SOX5: variants seen among roughly 807,000 people sequenced by gnomAD.
The protein encoded by SOX5 is transcription factor SOX-5.
In SOX5, 9 loss-of-function variants were observed where a neutral mutation model predicts 92.0. The ratio of observed to expected loss-of-function variants is 0.10; its 90% CI spans 0.06 to 0.17. SOX5 has a LOEUF of 0.17. SOX5 is among the 10% of genes least tolerant of loss of function. The probability of loss-of-function intolerance (pLI) is 1.00; values close to 1 mark genes in which losing one functional copy is unlikely to be tolerated. For synonymous variants in SOX5, 344 were observed against 336.3 expected, an observed-to-expected ratio of 1.02 and a Z score of -0.25; for missense variants, 642 against 944.5, an observed-to-expected ratio of 0.68 and a Z score of 4.20.
intron 2 of SOX5, among the ~76,000 whole-genome samples, chr12:24,349,450 C>G (rs895288167): frequency 2.6e-5 from 4 of 152,170 alleles, no homozygotes; most frequent in Non-Finnish European, 5.9e-5. Flanking sequence ...CCCTCCACCC[C>G]CTGGCAACCA....
At chr12:23,852,703 T>TG (rs2096646055) in intron 2 of SOX5, among the ~76,000 whole-genome samples, 1 of 152,182 alleles carries the variant, frequency 6.6e-6, no homozygotes, top group African/African-American at 2.4e-5. Flanking sequence ...CAATAAAGAA[T>TG]GATAGCATAG....
At chr12:24,543,473 C>T (rs1052950420) in intron 1 of SOX5, among the ~76,000 whole-genome samples, 1 of 152,170 alleles carries the variant, frequency 6.6e-6, no homozygotes, top group Non-Finnish European at 1.5e-5. Flanking sequence ...GATCACTTGA[C>T]ATCAGGAGTT....
In SOX5 at chr12:23,933,601, T is replaced by C. The variant is rs544200212; in HGVS notation, c.38+15963A>G. On this transcript the variant is annotated intron_variant, in intron 1 of 14. Coordinates refer to ENST00000451604, the MANE Select transcript of SOX5 (RefSeq NM_006940.6). ...ACCTGGAGGGCCCAGTGAGATGCAG[T>C]ATTGCTCAAAATTTGCAGAAATGGC... Among the ~76,000 whole-genome samples the C allele has an allele frequency of 1.9e-4, 29 of 151,786 alleles. No individual in the cohort carries two copies. In the South Asian group the frequency reaches 5.6e-3, roughly 29 times the overall value.
intron 4 of SOX5, among the ~76,000 whole-genome samples, chr12:24,150,111 A>G (rs2138813805): frequency 6.6e-6 from 1 of 152,300 alleles, no homozygotes; most frequent in Admixed American, 6.5e-5. Context: ...ACCAAATTGT[A>G]TACTTCGAAT....
chr12:24,137,588 C>T (rs561033718), intron 4 of SOX5, among the ~76,000 whole-genome samples: 8 of 152,218 alleles, frequency 5.3e-5, no homozygotes, highest in South Asian at 2.1e-4. Context: ...GCAGAAGTCA[C>T]GCCACTGCAA....
At chr12:23,738,659 C>T (rs2093689037) in intron 5 of SOX5, among the ~76,000 whole-genome samples, 1 of 152,152 alleles carries the variant, frequency 6.6e-6, no homozygotes, top group African/African-American at 2.4e-5. Flanking sequence ...AAAGAAGCTT[C>T]CTCTCCATCA....
chr12:24,348,472 T>C (rs996877537), intron 2 of SOX5, among the ~76,000 whole-genome samples: 1 of 152,020 alleles, frequency 6.6e-6, no homozygotes, highest in Admixed American at 6.6e-5. Context: ...AACCCCTACC[T>C]CCCAGGTTCA....
intron 11 of SOX5, among the ~76,000 whole-genome samples, chr12:23,557,234 T>C (rs1442141761): frequency 6.6e-6 from 1 of 152,092 alleles, no homozygotes; most frequent in Admixed American, 6.5e-5. Context: ...TCAGAAAGGG[T>C]CAAAAATGAA....
intron 1 of SOX5, among the ~76,000 whole-genome samples, chr12:24,428,827 C>T (rs1566139755): frequency 6.9e-6 from 1 of 144,206 alleles, no homozygotes; most frequent in Non-Finnish European, 1.5e-5. Flanking sequence ...GATTTTGCAA[C>T]TTCAAGACAG....
At chr12:24,453,784 A>C (rs1422303632) in intron 1 of SOX5, among the ~76,000 whole-genome samples, 1 of 152,188 alleles carries the variant, frequency 6.6e-6, no homozygotes, top group Non-Finnish European at 1.5e-5. Context: ...ACAAAACAAG[A>C]GCCAATTTTC....
intron 8 of SOX5, among the ~76,000 whole-genome samples, chr12:23,634,785 T>C (rs1212625635): frequency 6.6e-6 from 1 of 152,208 alleles, no homozygotes; most frequent in East Asian, 1.9e-4. Context: ...GAAATTCTGC[T>C]ATTGTCTCGT....
At chr12:24,517,456 G>A (rs529466324) in intron 1 of SOX5, among the ~76,000 whole-genome samples, 1 of 152,104 alleles carries the variant, frequency 6.6e-6, no homozygotes, top group Non-Finnish European at 1.5e-5. Flanking sequence ...AGGAAAGGAC[G>A]AAGAAAGCTG....
At chr12:24,297,179 C>T (rs977328665) in intron 2 of SOX5, among the ~76,000 whole-genome samples, 2 of 152,116 alleles carry the variant, frequency 1.3e-5, no homozygotes, top group African/African-American at 2.4e-5. Flanking sequence ...ACTGTAGATC[C>T]AACCTGTAAT....
chr12:24,047,487 G>T (rs1456523857), intron 4 of SOX5, among the ~76,000 whole-genome samples: 1 of 152,164 alleles, frequency 6.6e-6, no homozygotes, highest in Non-Finnish European at 1.5e-5. Flanking sequence ...TCTGTGTACT[G>T]TAAGCACAGT....
intron 2 of SOX5, among the ~76,000 whole-genome samples, chr12:23,850,297 C>T (rs548282784): frequency 2.0e-4 from 31 of 151,706 alleles, no homozygotes; most frequent in South Asian, 6.3e-4. Flanking sequence ...GGCGTGGTGG[C>T]GCGCACCTGT....
At chr12:24,088,783 C>T (rs1187780211) in intron 4 of SOX5, among the ~76,000 whole-genome samples, 1 of 152,050 alleles carries the variant, frequency 6.6e-6, no homozygotes, top group Admixed American at 6.6e-5. Context: ...GAACATTATA[C>T]AATCCTACTG....
chr12:23,796,527 C>A (rs1294426351), intron 3 of SOX5, among the ~76,000 whole-genome samples: 2 of 151,916 alleles, frequency 1.3e-5, no homozygotes, highest in Admixed American at 6.6e-5. Flanking sequence ...CAAGCAGGCA[C>A]CAAATATAAG....
chr12:24,021,224 A>C (rs901768345), intron 4 of SOX5, among the ~76,000 whole-genome samples: 1 of 152,172 alleles, frequency 6.6e-6, no homozygotes, highest in Non-Finnish European at 1.5e-5. Context: ...GTTCTCTCCT[A>C]TGGCTGAGTA....
chr12:23,789,096 A>G (rs2095427600), intron 3 of SOX5, among the ~76,000 whole-genome samples: 1 of 152,002 alleles, frequency 6.6e-6, no homozygotes, highest in South Asian at 2.1e-4. Context: ...GATATAAGAA[A>G]TATGTATGGG....
Sources: allele counts gnomAD v4.1 joint callset (sites outside exome capture counted in the v4.1 genomes callset), GRCh38; gene constraint gnomAD v4.1.1; transcripts MANE v1.5; gene names NCBI Gene and HGNC (gene_info 2026-07-23, HGNC 2026-07-21).